The following TMEM156 variants were observed in gnomAD, a reference collection of about 807,000 sequenced individuals.
TMEM156 encodes the protein transmembrane protein 156.
TMEM156 carries 28 observed loss-of-function variants against 30.5 expected under a neutral mutation model. The observed-to-expected ratio is 0.92, with a 90% CI of 0.68 to 1.26. The LOEUF (loss-of-function observed/expected upper bound fraction) is 1.26. Ranked by LOEUF, TMEM156 falls within the 50% of genes most tolerant of loss-of-function variation. TMEM156 has a pLI of 0.00. For missense variants in TMEM156, 351 were observed against 340.6 expected, an observed-to-expected ratio of 1.03 and a Z score of -0.24; for synonymous variants, 137 against 119.9, an observed-to-expected ratio of 1.14 and a Z score of -0.93.
chr4:39,004,093 TCAG>T (rs1232098956), intron 1 of TMEM156, among the ~76,000 whole-genome samples: 1 of 152,206 alleles, frequency 6.6e-6, no homozygotes, highest in Admixed American at 6.5e-5. Context: ...ATTTTTGCTA[TCAG>T]GTGGACTATA....
At position 38,971,475 on chromosome 4, in the gene TMEM156, T is replaced by G. The variant is rs74790994; in HGVS notation, c.824-338A>C. On this transcript the variant is annotated intron_variant, in intron 5 of 6. Coordinates refer to ENST00000381938, the MANE Select transcript of TMEM156 (RefSeq NM_024943.3). ...TATTCTATCACATTTTGTTGAAATA[T>G]GTCCCTAAGGAGAATATTAATGATG... 3.5e-3 allele frequency among the ~76,000 whole-genome samples: 529 copies of G among 152,362 alleles called. 3 individuals are homozygous for G. The highest frequency in any genetic ancestry group is 0.012 in the African/African-American group (509 of 41,582).
chr4:39,007,415 T>TTTA (rs150853984), intron 1 of TMEM156, among the ~76,000 whole-genome samples: 61 of 151,678 alleles, frequency 4.0e-4, no homozygotes, highest in Non-Finnish European at 7.4e-5. Flanking sequence ...CTTCCTTTCT[T>TTTA]TTTATTTATT....
intron 2 of TMEM156, among the ~76,000 whole-genome samples, chr4:38,997,873 G>A (rs997211605): frequency 1.3e-5 from 2 of 152,104 alleles, no homozygotes; most frequent in African/African-American, 2.4e-5. Flanking sequence ...AAAGACAAAG[G>A]CCCTGCCCTC....
intron 1 of TMEM156, among the ~76,000 whole-genome samples, chr4:39,024,880 CA>C (rs1715100433): frequency 6.6e-6 from 1 of 152,194 alleles, no homozygotes; most frequent in Non-Finnish European, 1.5e-5. Context: ...CTGTTAAAAA[CA>C]TAGTCGATTA....
chr4:39,004,191 G>A (rs1713573562), intron 1 of TMEM156, among the ~76,000 whole-genome samples: 1 of 152,142 alleles, frequency 6.6e-6, no homozygotes, highest in South Asian at 2.1e-4. Context: ...TTCACTCTCA[G>A]AGATGGAAAT....
intron 2 of TMEM156, among the ~76,000 whole-genome samples, chr4:38,997,479 AC>A (rs1713014990): frequency 6.6e-6 from 1 of 152,242 alleles, no homozygotes; most frequent in African/African-American, 2.4e-5. Flanking sequence ...GTACATGAAA[AC>A]AACAGAAAAA....
intron 1 of TMEM156, among the ~76,000 whole-genome samples, chr4:39,021,285 T>A (rs917922263): frequency 6.6e-6 from 1 of 151,310 alleles, no homozygotes; most frequent in Admixed American, 6.6e-5. Context: ...ACACTTGCAG[T>A]CTTAGCTATT....
intron 3 of TMEM156, among the ~76,000 whole-genome samples, chr4:38,989,587 G>A (rs1221368664): frequency 2.6e-5 from 4 of 152,072 alleles, no homozygotes; most frequent in Non-Finnish European, 5.9e-5. Flanking sequence ...AAGGATACAG[G>A]TATAAACTCA....
intron 6 of TMEM156, among the ~76,000 whole-genome samples, chr4:38,967,884 C>G (rs1467849103): frequency 6.6e-6 from 1 of 152,192 alleles, no homozygotes; most frequent in African/African-American, 2.4e-5. Context: ...GACTTCTTTT[C>G]CTTTGGGTAG....
chr4:39,024,181 G>A (rs972841622), intron 1 of TMEM156, among the ~76,000 whole-genome samples: 4 of 152,142 alleles, frequency 2.6e-5, no homozygotes, highest in African/African-American at 2.4e-5. Context: ...GGATATAGAC[G>A]CGTGCCACCA....
intron 4 of TMEM156, among the ~76,000 whole-genome samples, chr4:38,987,079 T>G (rs899273539): frequency 6.6e-6 from 1 of 152,318 alleles, no homozygotes; most frequent in South Asian, 2.1e-4. Context: ...TCCCCACTAC[T>G]GGTCTCCTTC....
chr4:38,998,205 A>T (rs912562523), intron 2 of TMEM156, among the ~76,000 whole-genome samples: 1 of 152,198 alleles, frequency 6.6e-6, no homozygotes, highest in African/African-American at 2.4e-5. Context: ...CAAGTCACTC[A>T]TCAAGAGCCA....
intron 2 of TMEM156, among the ~76,000 whole-genome samples, chr4:38,997,130 G>A (rs1415635939): frequency 6.6e-6 from 1 of 152,224 alleles, no homozygotes; most frequent in Non-Finnish European, 1.5e-5. Context: ...AGGAGGCAGA[G>A]AAGATCTGTG....
Position 39,032,380 on chromosome 4 carries a change from G to C in TMEM156, c.-67C>G. 1.1e-6 allele frequency: 1 copy of C among 912,818 alleles called. No individual in the cohort carries two copies. The highest frequency in any genetic ancestry group is 2.1e-5 in the Admixed American group (1 of 47,584). 56.5% of individuals were successfully genotyped at this position (912,818 alleles called of 1,614,324 possible). A position where few individuals can be genotyped will look rare whatever the true frequency, so the allele number is the denominator to read the frequency against. Reference sequence around the variant, plus strand: ...CATGGTATGTTGCTTCCTGCTTTAAGTTTATCTCTGCAGCACTTTAGGTTA... The same window carrying C: ...CATGGTATGTTGCTTCCTGCTTTAACTTTATCTCTGCAGCACTTTAGGTTA... On this transcript the variant is annotated 5_prime_UTR_variant, in exon 1 of 7. Transcript: ENST00000381938.
At chr4:38,980,367 G>A (rs1265212809) in intron 5 of TMEM156, among the ~76,000 whole-genome samples, 4 of 152,102 alleles carry the variant, frequency 2.6e-5, no homozygotes, top group Admixed American at 1.3e-4. Flanking sequence ...TAAGTTAGAG[G>A]TGAAAGTATT....
chr4:38,979,242 C>T (rs531818314), intron 5 of TMEM156, among the ~76,000 whole-genome samples: 51 of 152,184 alleles, frequency 3.4e-4, no homozygotes, highest in Non-Finnish European at 2.8e-4. Flanking sequence ...ACATGAGGCA[C>T]CTGTGCAGCC....
chr4:38,991,585 T>G (rs948636208), intron 3 of TMEM156, among the ~76,000 whole-genome samples: 6 of 152,182 alleles, frequency 3.9e-5, no homozygotes, highest in African/African-American at 1.4e-4. Context: ...AGAGTACATA[T>G]TTGTGCACCA....
In TMEM156 at chr4:38,980,129, A is replaced by G. The variant is rs143307614; in HGVS notation, c.823+6207T>C. The stretch of plus-strand genomic sequence containing the variant: ...TAGTCATCTGCTCCAAATCTAGTCA[A>G]TGTGAAAATAAAATGAGGATGGAAA... On this transcript the variant is annotated intron_variant, in intron 5 of 6. Coordinates refer to ENST00000381938, the MANE Select transcript of TMEM156 (RefSeq NM_024943.3). Among the ~76,000 whole-genome samples the G allele has an allele frequency of 6.5e-3, 992 of 151,842 alleles. 11 individuals carry two copies. Among genetic ancestry groups the G allele is most frequent in the Non-Finnish European group, 7.6e-3 (515 of 67,960 alleles).
chr4:39,022,021 T>C (rs940605430), intron 1 of TMEM156, among the ~76,000 whole-genome samples: 4 of 152,242 alleles, frequency 2.6e-5, no homozygotes, highest in African/African-American at 9.6e-5. Flanking sequence ...TGATAATAGC[T>C]ATTGTTCCTT....
Sources: gnomAD v4.1 joint callset for allele counts (sites outside exome capture counted in the v4.1 genomes callset) on GRCh38, gnomAD v4.1.1 for gene constraint, MANE v1.5 for transcripts, NCBI Gene and HGNC (gene_info 2026-07-23, HGNC 2026-07-21) for gene names.